The following PAK4 variants were observed in gnomAD, a reference collection of about 807,000 sequenced individuals.
The protein encoded by PAK4 is p21 (RAC1) activated kinase 4, also known as serine/threonine-protein kinase PAK 4.
Under a neutral mutation model 53.5 loss-of-function variants are expected in PAK4, and 49 were observed. The ratio of observed to expected loss-of-function variants is 0.92; its 90% CI spans 0.73 to 1.16. The LOEUF is 1.16. Among genes scored for constraint, PAK4 ranks in the 50% most tolerant of loss-of-function variants. PAK4 has a pLI of 0.00. For missense variants in PAK4, 824 were observed against 850.7 expected, an observed-to-expected ratio of 0.97 and a Z score of 0.39; for synonymous variants, 376 against 375.6, an observed-to-expected ratio of 1.00 and a Z score of -0.01.
At chr19:39,177,725 G>A (rs1260648444) in exon 8 of PAK4, 1 of 1,613,468 alleles carries the variant, frequency 6.2e-7, no homozygotes, top group African/African-American at 1.3e-5. Context: ...TGGACGGAGA[G>A]CCCCCCTACT....
At position 39,161,496 on chromosome 19, in the gene PAK4, C is replaced by G. The variant is rs1470518673; in HGVS notation, c.-22-8036C>G. 6.6e-6 allele frequency among the ~76,000 whole-genome samples: 1 copy of G among 151,990 alleles called. No homozygotes were observed. Among genetic ancestry groups the G allele is most frequent in the Non-Finnish European group, 1.5e-5 (1 of 67,956 alleles). Reference sequence around the variant, plus strand: ...TGCTCATGCCGCCCCCTCTGCAGCCCCCACAAGGTCCTGCCCCCTTGATTT... The same window carrying G: ...TGCTCATGCCGCCCCCTCTGCAGCCGCCACAAGGTCCTGCCCCCTTGATTT... On this transcript the variant is annotated intron_variant, in intron 1 of 8. Transcript: ENST00000358301. This position sits in a 1 kb window ranked among gnomAD's most constrained non-coding sequence, Gnocchi z 4.5.
rs576651692 is a variant in PAK4, at chr19:39,150,544, C to T, written c.-22-18988C>T. On this transcript the variant is annotated intron_variant, in intron 1 of 8. Coordinates refer to ENST00000358301, the Ensembl canonical transcript of PAK4. ...TCCTTGTCACTCATCCTCACGCCCA[C>T]TCAGGCCCCTTGATTCCGTCCTTCA... Among the ~76,000 whole-genome samples the T allele has an allele frequency of 8.5e-5, 13 of 152,204 alleles. No individual in the cohort carries two copies. In the South Asian group the frequency reaches 2.7e-3, roughly 32 times the overall value.
At chr19:39,158,030 G>A (rs540700625) in intron 1 of PAK4, among the ~76,000 whole-genome samples, 1 of 152,250 alleles carries the variant, frequency 6.6e-6, no homozygotes, top group South Asian at 2.1e-4. Flanking sequence ...GTGTGTGAGT[G>A]TGCATGTATG....
intron 1 of PAK4, among the ~76,000 whole-genome samples, chr19:39,134,708 AC>A (rs1392948245): frequency 6.7e-6 from 1 of 149,424 alleles, no homozygotes; most frequent in African/African-American, 2.6e-5. Flanking sequence ...CAAGCGATTC[AC>A]CTGCCTCAGC....
chr19:39,137,824 G>A (rs1340595123), intron 1 of PAK4, among the ~76,000 whole-genome samples: 2 of 151,920 alleles, frequency 1.3e-5, no homozygotes, highest in East Asian at 3.9e-4. Context: ...GCGCCACCAT[G>A]CCTGGCTAAT....
At chr19:39,177,952 C>T in intron 8 of PAK4, 143 bp downstream of exon 9, 1 of 947,860 alleles carries the variant, frequency 1.1e-6, no homozygotes. Flanking sequence ...ACCCCCGGGC[C>T]TCATGTGTCT....
rs1473408756 is a variant in PAK4 at position 39,178,790 on chromosome 19, C to G, written c.*211C>G. The G allele has an allele frequency of 4.1e-6, 2 of 489,470 alleles. No homozygotes were observed. The highest frequency in any genetic ancestry group is 4.1e-5 in the Admixed American group (1 of 24,620). The allele number at this position is 489,470 out of a possible 1,614,324, so 30.3% of individuals were successfully genotyped here. A position where few individuals can be genotyped will look rare whatever the true frequency, so the allele number is the denominator to read the frequency against. ...AAACACAGGGACTCGTGGGAGCAAG[C>G]GAGGCTCCCAGGACCCCCACCCTCT... On this transcript the variant is annotated 3_prime_UTR_variant, in exon 9 of 9. Transcript: ENST00000358301. The surrounding 1 kb of genome is among the most constrained non-coding windows in gnomAD (Gnocchi z 4.4).
At chr19:39,156,869 G>C (rs1047361675) in intron 1 of PAK4, 1 of 152,642 alleles carries the variant, frequency 6.6e-6, no homozygotes, top group African/African-American at 2.4e-5. Context: ...GCCAGGCCTC[G>C]GGAGGGGAGG....
chr19:39,175,204 T>A lies in PAK4; in HGVS notation c.1233-108T>A. 6.8e-7 allele frequency: 1 copy of A among 1,465,394 alleles called. No homozygotes were observed. Among genetic ancestry groups the A allele is most frequent in the South Asian group, 1.3e-5 (1 of 77,736 alleles). 90.8% of individuals were successfully genotyped at this position (1,465,394 alleles called of 1,614,324 possible). A position where few individuals can be genotyped will look rare whatever the true frequency, so the allele number is the denominator to read the frequency against. The stretch of plus-strand genomic sequence containing the variant: ...GTCTTCCATTCCTCCCACTCCAGAG[T>A]GGGGTCGAGTGGTCTCAGATTCCTC... On this transcript the variant is annotated intron_variant, in intron 5 of 8. Transcript: ENST00000358301. This position sits in a 1 kb window ranked among gnomAD's most constrained non-coding sequence, Gnocchi z 4.7.
rs759197317 is a variant in PAK4, at chr19:39,178,615, CG to C, written c.*39del. On this transcript the variant is annotated 3_prime_UTR_variant, in exon 9 of 9. Transcript: ENST00000358301. This position sits in a 1 kb window ranked among gnomAD's most constrained non-coding sequence, Gnocchi z 4.4. Reference sequence around the variant, plus strand: ...CCTTCCCCTCAACCAAAGAGCCCCCCGGGTCACCCCCGCCCCACTGAGGCCA... The same window carrying C: ...CCTTCCCCTCAACCAAAGAGCCCCCCGGTCACCCCCGCCCCACTGAGGCCA... 1 of 1,539,134 alleles carries C rather than the reference CG, an allele frequency of 6.5e-7. No homozygotes were observed. The highest frequency in any genetic ancestry group is 8.8e-7 in the Non-Finnish European group (1 of 1,136,102).
At chr19:39,155,325 G>A (rs2074160558) in intron 1 of PAK4, among the ~76,000 whole-genome samples, 1 of 152,182 alleles carries the variant, frequency 6.6e-6, no homozygotes, top group Non-Finnish European at 1.5e-5. Flanking sequence ...GGAGCTCAGT[G>A]AATGAATGAG....
At chr19:39,145,171 T>C (rs925762103) in intron 1 of PAK4, among the ~76,000 whole-genome samples, 2 of 152,212 alleles carry the variant, frequency 1.3e-5, no homozygotes, top group African/African-American at 4.8e-5. Context: ...AATCACCTGC[T>C]GACCACCCTC....
At chr19:39,158,078 GT>G (rs548573854) in intron 1 of PAK4, among the ~76,000 whole-genome samples, 71 of 77,014 alleles carry the variant, frequency 9.2e-4, no homozygotes, top group African/African-American at 2.5e-3. Context: ...GAGCATGCAT[GT>G]GTGTGTGTGC....
downstream of PAK4, chr19:39,179,634 A>G (rs2074679873): frequency 1.3e-5 from 2 of 152,294 alleles, no homozygotes; most frequent in South Asian, 2.1e-4. Context: ...CCAGTTTGCC[A>G]CAGTCCATGT....
chr19:39,177,799 ACCT>A, exon 8 of PAK4: 1 of 1,612,690 alleles, frequency 6.2e-7, no homozygotes, highest in Non-Finnish European at 8.5e-7. Flanking sequence ...CGACTGAAGA[ACCT>A]GCACAAGGTA....
At chr19:39,158,224 T>TGTGCGTGG (rs2074224956) in intron 1 of PAK4, among the ~76,000 whole-genome samples, 8 of 151,904 alleles carry the variant, frequency 5.3e-5, no homozygotes, top group African/African-American at 1.9e-4. Context: ...GGTGTGCGTG[T>TGTGCGTGG]GTGTGCATGT....
At chr19:39,152,943 C>A (rs943910463) in intron 1 of PAK4, among the ~76,000 whole-genome samples, 3 of 152,054 alleles carry the variant, frequency 2.0e-5, no homozygotes, top group Non-Finnish European at 4.4e-5. Context: ...TTTCCATCCG[C>A]GGTTATGGAG....
chr19:39,128,937 G>T (rs1041311683), intron 1 of PAK4, among the ~76,000 whole-genome samples: 1 of 152,230 alleles, frequency 6.6e-6, no homozygotes, highest in African/African-American at 2.4e-5. Flanking sequence ...ACTTGGTCTG[G>T]GCTGGGGCTG....
At position 39,131,661 on chromosome 19, in the gene PAK4, G is replaced by A. The variant is rs996153897; in HGVS notation, c.-23+5742G>A. Among the ~76,000 whole-genome samples, 8 of 152,180 alleles carry A rather than the reference G, an allele frequency of 5.3e-5. No individual in the cohort carries two copies. The East Asian group carries it at 5.8e-4, about 11-fold the overall frequency. On this transcript the variant is annotated intron_variant, in intron 1 of 8. Coordinates refer to ENST00000358301, the Ensembl canonical transcript of PAK4. ...CAGGGGAGCCAGCGCTGGCGGATGC[G>A]ACAGAAGCCACCGCTCACTGAAGCC...
Sources: allele counts gnomAD v4.1 joint callset (sites outside exome capture counted in the v4.1 genomes callset), GRCh38; gene constraint gnomAD v4.1.1; non-coding constraint Gnocchi (gnomAD v3.1); transcripts MANE v1.5; gene names NCBI Gene and HGNC (gene_info 2026-07-23, HGNC 2026-07-21).